DYRK4: variants seen among roughly 807,000 people sequenced by gnomAD.
DYRK4 encodes the protein dual specificity tyrosine-phosphorylation-regulated kinase 4.
In DYRK4, 64 loss-of-function variants were observed where a neutral mutation model predicts 68.3. The observed-to-expected ratio is 0.94, with a 90% CI of 0.77 to 1.15. DYRK4 has a LOEUF of 1.15. Ranked by LOEUF, DYRK4 falls within the 50% of genes most tolerant of loss-of-function variation. DYRK4 has a pLI of 0.00. For synonymous variants in DYRK4, 274 were observed against 289.9 expected (o/e 0.95, Z 0.56); for missense variants, 740 against 764.7 (o/e 0.97, Z 0.38).
rs74060036 is a variant in DYRK4 at position 4,573,464 on chromosome 12, G to C, written c.132+5416G>C. On this transcript the variant is annotated intron_variant, in intron 2 of 14. Transcript: ENST00000543431. Reference sequence around the variant, plus strand: ...CCTTTGGTTTCTGTCAAAGGAATGTGAAGTGAGCAGGAATTGGCGGGTGGG... The same window carrying C: ...CCTTTGGTTTCTGTCAAAGGAATGTCAAGTGAGCAGGAATTGGCGGGTGGG... 5,772 of 1,179,312 alleles carry C rather than the reference G, an allele frequency of 4.9e-3. 216 individuals carry two copies. The African/African-American group carries it at 0.08, about 16-fold the overall frequency. The allele number at this position is 1,179,312 out of a possible 1,614,324, so 73.1% of individuals were successfully genotyped here. A position where few individuals can be genotyped will look rare whatever the true frequency, so the allele number is the denominator to read the frequency against.
intron 12 of DYRK4, among the ~76,000 whole-genome samples, chr12:4,608,836 G>A (rs942103021): frequency 1.3e-5 from 2 of 152,210 alleles, no homozygotes; most frequent in Non-Finnish European, 2.9e-5. Context: ...GGTTGCCATA[G>A]AATGGTGACC....
rs562026104 is a variant in DYRK4 at position 4,575,298 on chromosome 12, A to ATTTTGTGTGTGTGTGTGTGT, written c.132+7250_132+7251insTTTTGTGTGTGTGTGTGTGT. On this transcript the variant is annotated intron_variant, in intron 2 of 14. Transcript: ENST00000543431. Reference sequence around the variant, plus strand: ...CTTGCCAATTTACTAACAATAACTTACTGTGTGTGTGTGTGTGTGTGTGTT... The same window carrying ATTTTGTGTGTGTGTGTGTGT: ...CTTGCCAATTTACTAACAATAACTTATTTTGTGTGTGTGTGTGTGTCTGTGTGTGTGTGTGTGTGTGTGTT... Among the ~76,000 whole-genome samples the ATTTTGTGTGTGTGTGTGTGT allele has an allele frequency of 5.7e-3, 817 of 144,172 alleles. 9 individuals carry two copies. Among genetic ancestry groups the ATTTTGTGTGTGTGTGTGTGT allele is most frequent in the Middle Eastern group, 0.032 (9 of 284 alleles). 94.6% of individuals were successfully genotyped at this position (144,172 alleles called of 152,430 possible). A position where few individuals can be genotyped will look rare whatever the true frequency, so the allele number is the denominator to read the frequency against.
At chr12:4,590,167 G>A in intron 3 of DYRK4, 163 bp from the exon 4 acceptor site, 9 of 1,387,914 alleles carry the variant, frequency 6.5e-6, no homozygotes, top group Non-Finnish European at 7.4e-6. Flanking sequence ...TGCTGCTCTG[G>A]AATCTGCATT....
chr12:4,564,964 T>C (rs754321034), intron 1 of DYRK4, among the ~76,000 whole-genome samples: 3 of 152,152 alleles, frequency 2.0e-5, no homozygotes, highest in Non-Finnish European at 4.4e-5. Context: ...AAACACACGA[T>C]TGAACGCTCG....
chr12:4,604,743 C>G, intron 10 of DYRK4, 171 bp from the exon 11 acceptor site: 1 of 356,990 alleles, frequency 2.8e-6, no homozygotes, highest in Non-Finnish European at 3.9e-6. Flanking sequence ...AATCAGGTTG[C>G]TGGCGGATTT....
chr12:4,595,431 T>C (rs913238441), intron 6 of DYRK4, among the ~76,000 whole-genome samples: 10 of 152,250 alleles, frequency 6.6e-5, no homozygotes, highest in African/African-American at 2.4e-4. Context: ...ATGGATAAAT[T>C]GCTTGTCTAA....
At chr12:4,594,146 A>G (rs1409731756) in intron 6 of DYRK4, among the ~76,000 whole-genome samples, 1 of 152,206 alleles carries the variant, frequency 6.6e-6, no homozygotes, top group Non-Finnish European at 1.5e-5. Flanking sequence ...GATAAAAGCT[A>G]TAGGTCCTCA....
Position 4,599,160 on chromosome 12 carries a change from C to A in DYRK4, c.1038C>A (p.Leu346=), listed in dbSNP as rs780452780. 15 of 1,613,720 alleles carry A rather than the reference C, an allele frequency of 9.3e-6. No homozygotes were observed. The highest frequency in any genetic ancestry group is 1.3e-5 in the Non-Finnish European group (15 of 1,179,934). ...TAGAGAAAATCATTCACTGTGATCT[C>A]AAGCCCGTGAGTACCATCTCCGTCC... ...LSVEKIIHCD[L]KPENIVLYQK... The change falls in exon 9 of 15, where the codon CTC becomes CTA. Residue 346 remains leucine, a synonymous_variant. Coordinates refer to ENST00000543431, the MANE Select transcript of DYRK4 (RefSeq NM_001394779.1).
At chr12:4,598,830 T>G (rs1945047564) in intron 8 of DYRK4, among the ~76,000 whole-genome samples, 198 bp from the exon 9 acceptor site, 1 of 152,074 alleles carries the variant, frequency 6.6e-6, no homozygotes, top group Non-Finnish European at 1.5e-5. Flanking sequence ...CATCTGAGAG[T>G]CTGACACAGT....
At chr12:4,580,376 G>A (rs895338504) in intron 2 of DYRK4, among the ~76,000 whole-genome samples, 2 of 152,184 alleles carry the variant, frequency 1.3e-5, no homozygotes, top group African/African-American at 2.4e-5. Context: ...ATTTGGAGGC[G>A]GCTCCTCCCC....
intron 10 of DYRK4, chr12:4,603,288 C>A: frequency 1.1e-6 from 1 of 890,376 alleles, no homozygotes; most frequent in South Asian, 1.6e-5. Context: ...ATATTCTCTT[C>A]CTTCTCACAA....
intron 10 of DYRK4, among the ~76,000 whole-genome samples, chr12:4,603,746 T>C (rs1025049211): frequency 1.1e-4 from 17 of 152,252 alleles, no homozygotes; most frequent in African/African-American, 4.1e-4. Flanking sequence ...TAAAAAGTAA[T>C]GCTTCCCACA....
chr12:4,578,484 A>G (rs981251535), intron 2 of DYRK4, among the ~76,000 whole-genome samples: 3 of 152,192 alleles, frequency 2.0e-5, no homozygotes, highest in Non-Finnish European at 4.4e-5. Flanking sequence ...TGTTATTTGC[A>G]TGGAGTCTTA....
chr12:4,607,322 T>C lies in DYRK4; in HGVS notation c.1300-5T>C, dbSNP rs1945164305. On this transcript the variant is annotated splice_polypyrimidine_tract_variant and splice_region_variant and intron_variant, in intron 11 of 14. Transcript: ENST00000543431. ...GAATGAACCAATTGAATTATCCTTA[T>C]TAAGGTGCTGGGTCTGCCGCCAGCC... 3.1e-6 allele frequency: 5 copies of C among 1,614,226 alleles called. No homozygotes were observed. The highest frequency in any genetic ancestry group is 4.2e-6 in the Non-Finnish European group (5 of 1,180,024).
intron 2 of DYRK4, among the ~76,000 whole-genome samples, chr12:4,576,501 T>C (rs2137333668): frequency 6.6e-6 from 1 of 152,356 alleles, no homozygotes; most frequent in Middle Eastern, 3.4e-3. Context: ...TATGTGGACA[T>C]ACATTTTTTT....
At chr12:4,593,595 G>C (rs764619817) in intron 6 of DYRK4, among the ~76,000 whole-genome samples, 8 of 152,134 alleles carry the variant, frequency 5.3e-5, no homozygotes, top group Non-Finnish European at 1.2e-4. Flanking sequence ...AAAAGCTTTT[G>C]TCACTGTAGA....
chr12:4,597,711 C>T (rs1431500790), intron 8 of DYRK4, among the ~76,000 whole-genome samples: 1 of 152,124 alleles, frequency 6.6e-6, no homozygotes, highest in African/African-American at 2.4e-5. Flanking sequence ...AGGATGGGGC[C>T]AGAGCCAAGA....
chr12:4,587,159 A>G (rs1214281575), intron 2 of DYRK4, among the ~76,000 whole-genome samples: 1 of 152,216 alleles, frequency 6.6e-6, no homozygotes, highest in African/African-American at 2.4e-5. Flanking sequence ...ATAAAGACCA[A>G]GCGTCTTAGT....
At chr12:4,570,789 A>G (rs1944723123) in intron 2 of DYRK4, among the ~76,000 whole-genome samples, 1 of 152,208 alleles carries the variant, frequency 6.6e-6, no homozygotes, top group Admixed American at 6.5e-5. Flanking sequence ...CAGCCAAGGG[A>G]AAGTTTAAAA....
Sources: allele counts gnomAD v4.1 joint callset (sites outside exome capture counted in the v4.1 genomes callset), GRCh38; gene constraint gnomAD v4.1.1; transcripts MANE v1.5; gene names NCBI Gene and HGNC (gene_info 2026-07-23, HGNC 2026-07-21).